Variants in UNC5C observed in about 807,000 individuals in gnomAD.
UNC5C encodes unc-5 netrin receptor C, also known as netrin receptor UNC5C.
UNC5C carries 47 observed loss-of-function variants against 99.8 expected under a neutral mutation model. The ratio of observed to expected loss-of-function variants is 0.47; its 90% CI spans 0.37 to 0.60. UNC5C has a LOEUF of 0.60. Among genes scored for constraint, UNC5C ranks in the 20% least tolerant of loss-of-function variants. The pLI is 0.00. For synonymous variants in UNC5C, 487 were observed against 452.2 expected, an observed-to-expected ratio of 1.08 and a Z score of -0.98; for missense variants, 1,062 against 1,165.9, an observed-to-expected ratio of 0.91 and a Z score of 1.30.
chr4:95,281,708 A>G (rs1579293241), intron 3 of UNC5C, among the ~76,000 whole-genome samples: 2 of 152,250 alleles, frequency 1.3e-5, no homozygotes, highest in East Asian at 1.9e-4. Flanking sequence ...GTGGCATAGT[A>G]TCAAGATGGG....
At position 95,250,530 on chromosome 4, in the gene UNC5C, A is replaced by G. The variant is rs34875919; in HGVS notation, c.732T>C (p.Ile244=). The G allele has an allele frequency of 0.055, 88,234 of 1,613,924 alleles. 2,744 individuals are homozygous for G. The highest frequency in any genetic ancestry group is 0.085 in the South Asian group (7,711 of 91,060). The stretch of plus-strand genomic sequence containing the variant: ...CAGTTGTACTTTTCCTCTTGGCAAC[A>G]ATGTTTTTGGCAACACAGGTGTAAT... The part of the protein sequence containing the change: ...TANYTCVAKN[I]VAKRKSTTAT... Residue 244 remains isoleucine, a synonymous_variant, in exon 5 of 16, where the codon ATT becomes ATC. Transcript: ENST00000453304.
chr4:95,268,583 G>C (rs1459069631), intron 4 of UNC5C, among the ~76,000 whole-genome samples: 1 of 152,152 alleles, frequency 6.6e-6, no homozygotes, highest in Non-Finnish European at 1.5e-5. Context: ...CAATAATAGA[G>C]AGCAAAACAT....
intron 3 of UNC5C, among the ~76,000 whole-genome samples, chr4:95,284,124 A>AT (rs142230181): frequency 0.037 from 5,531 of 150,212 alleles, 129 homozygotes; most frequent in African/African-American, 0.068. Context: ...GCTTTCAGTG[A>AT]TTTTTTTTTT....
chr4:95,214,303 G>A (rs991722098), intron 10 of UNC5C, among the ~76,000 whole-genome samples: 8 of 152,126 alleles, frequency 5.3e-5, no homozygotes, highest in Admixed American at 5.2e-4. Context: ...GAGATCTTGA[G>A]GTTTTCCTAG....
intron 2 of UNC5C, among the ~76,000 whole-genome samples, chr4:95,315,070 G>A (rs1742421574): frequency 6.6e-6 from 1 of 152,104 alleles, no homozygotes; most frequent in Non-Finnish European, 1.5e-5. Flanking sequence ...AATTTTAATT[G>A]TTTGGAGGTA....
At chr4:95,178,152 G>A (rs368206368) in intron 14 of UNC5C, among the ~76,000 whole-genome samples, 29 of 152,292 alleles carry the variant, frequency 1.9e-4, no homozygotes, top group Admixed American at 8.5e-4. Context: ...AGGTTGCCCC[G>A]TCCTTACCGT....
rs1296645679 is a variant in UNC5C at position 95,170,045 on chromosome 4, A to G, written c.2630+109T>C. The G allele has an allele frequency of 7.1e-6, 10 of 1,408,914 alleles. No individual in the cohort carries two copies. In the South Asian group the frequency reaches 9.8e-5, roughly 14 times the overall value. 87.3% of individuals were successfully genotyped at this position (1,408,914 alleles called of 1,614,324 possible). A position where few individuals can be genotyped will look rare whatever the true frequency, so the allele number is the denominator to read the frequency against. ...GCATATTTGCAAAATGAAAAATTAAATAGATGTGTGGATGGAAAAAAAAAT... is the reference window on the plus strand; with the variant it reads ...GCATATTTGCAAAATGAAAAATTAAGTAGATGTGTGGATGGAAAAAAAAAT... On this transcript the variant is annotated intron_variant, in intron 15 of 15. Coordinates refer to ENST00000453304, the MANE Select transcript of UNC5C (RefSeq NM_003728.4).
intron 1 of UNC5C, among the ~76,000 whole-genome samples, chr4:95,340,296 C>T (rs1284540264): frequency 1.3e-5 from 2 of 152,036 alleles, no homozygotes; most frequent in African/African-American, 4.8e-5. Context: ...AAATATAGGA[C>T]CATTATCTCT....
intron 2 of UNC5C, among the ~76,000 whole-genome samples, chr4:95,308,172 C>T (rs539386947): frequency 3.9e-5 from 6 of 152,206 alleles, no homozygotes; most frequent in Non-Finnish European, 5.9e-5. Context: ...ATTGTCTCTG[C>T]TTGCAGATGA....
intron 1 of UNC5C, among the ~76,000 whole-genome samples, chr4:95,471,875 T>C (rs1173901384): frequency 2.6e-5 from 4 of 152,106 alleles, no homozygotes; most frequent in Non-Finnish European, 4.4e-5. Context: ...AAATTCCAAA[T>C]AGCCTTAAAA....
intron 7 of UNC5C, among the ~76,000 whole-genome samples, chr4:95,237,037 A>G (rs1341004736): frequency 6.6e-6 from 1 of 152,212 alleles, no homozygotes. Context: ...GCACATCCTC[A>G]TGTATACTTT....
chr4:95,356,595 C>T (rs1182564800), intron 1 of UNC5C, among the ~76,000 whole-genome samples: 1 of 152,154 alleles, frequency 6.6e-6, no homozygotes, highest in Admixed American at 6.6e-5. Flanking sequence ...ACATCATACA[C>T]ACAAATGGCA....
chr4:95,341,897 C>T (rs1053285129), intron 1 of UNC5C, among the ~76,000 whole-genome samples: 3 of 152,084 alleles, frequency 2.0e-5, no homozygotes, highest in Admixed American at 1.3e-4. Flanking sequence ...GAACAGAGTG[C>T]TACCCTGTCA....
At chr4:95,274,379 G>A (rs1986598) in intron 4 of UNC5C, among the ~76,000 whole-genome samples, 3,292 of 152,186 alleles carry the variant, frequency 0.022, 99 homozygotes, top group African/African-American at 0.07. Context: ...GTCTGCTCTC[G>A]TGCTAAGGAA....
chr4:95,179,357 G>A (rs116779387), intron 14 of UNC5C, among the ~76,000 whole-genome samples: 2,992 of 152,306 alleles, frequency 0.02, 104 homozygotes, highest in African/African-American at 0.068. Context: ...TGTGTATACA[G>A]AAGTGCTGTG....
At chr4:95,489,952 T>C (rs1426114186) in intron 1 of UNC5C, among the ~76,000 whole-genome samples, 1 of 151,532 alleles carries the variant, frequency 6.6e-6, no homozygotes, top group East Asian at 2.0e-4. Context: ...CAAATTTCAG[T>C]CCATGGAACT....
chr4:95,284,488 C>T (rs1429150713), intron 3 of UNC5C, among the ~76,000 whole-genome samples: 1 of 152,094 alleles, frequency 6.6e-6, no homozygotes, highest in African/African-American at 2.4e-5. Context: ...GGAGTTGACG[C>T]ATCTTTGAAG....
At chr4:95,397,527 AC>A (rs1166338970) in intron 1 of UNC5C, among the ~76,000 whole-genome samples, 1 of 152,242 alleles carries the variant, frequency 6.6e-6, no homozygotes, top group Non-Finnish European at 1.5e-5. Context: ...ATTAAATATT[AC>A]ACTAATAATT....
intron 1 of UNC5C, among the ~76,000 whole-genome samples, chr4:95,485,104 G>A (rs1225929071): frequency 1.3e-5 from 2 of 151,592 alleles, no homozygotes; most frequent in Non-Finnish European, 2.9e-5. Flanking sequence ...TCTTTCTTTA[G>A]TAATGTAATA....
Sources: allele counts gnomAD v4.1 joint callset (sites outside exome capture counted in the v4.1 genomes callset), GRCh38; gene constraint gnomAD v4.1.1; transcripts MANE v1.5; gene names NCBI Gene and HGNC (gene_info 2026-07-23, HGNC 2026-07-21).